The following PCDHA5 variants were observed in gnomAD, a reference collection of about 807,000 sequenced individuals.
PCDHA5 encodes the protein protocadherin alpha-5.
In PCDHA5, 43 loss-of-function variants were observed where a neutral mutation model predicts 61.6. The observed-to-expected ratio is 0.70, with a 90% CI of 0.55 to 0.90. The LOEUF (loss-of-function observed/expected upper bound fraction) is 0.90. PCDHA5 is among the 40% of genes least tolerant of loss of function. The probability of loss-of-function intolerance (pLI) is 0.00; values close to 1 mark genes in which losing one functional copy is unlikely to be tolerated. For synonymous variants in PCDHA5, 627 were observed against 543.9 expected, an observed-to-expected ratio of 1.15 and a Z score of -2.13; for missense variants, 1,298 against 1,222.7, an observed-to-expected ratio of 1.06 and a Z score of -0.92.
intron 1 of PCDHA5, among the ~76,000 whole-genome samples, chr5:140,950,519 A>G (rs1359001168): frequency 6.6e-6 from 1 of 152,034 alleles, no homozygotes; most frequent in Non-Finnish European, 1.5e-5. Flanking sequence ...TGTGTGCGAT[A>G]TGATTGTTTT....
intron 1 of PCDHA5, among the ~76,000 whole-genome samples, chr5:140,932,235 G>A (rs372410374): frequency 4.0e-5 from 6 of 151,638 alleles, no homozygotes; most frequent in African/African-American, 1.5e-4. Context: ...TTTTAGAATG[G>A]TATCTAAGAG....
intron 1 of PCDHA5, among the ~76,000 whole-genome samples, chr5:140,937,259 G>A (rs1306999153): frequency 1.3e-5 from 2 of 151,850 alleles, no homozygotes; most frequent in East Asian, 3.9e-4. Context: ...GGATGGTCTC[G>A]ATCTCCTGAC....
In PCDHA5 at chr5:140,857,752, C is replaced by T. The variant is rs7725388; in HGVS notation, c.2352+33625C>T. On this transcript the variant is annotated intron_variant, in intron 1 of 3. Coordinates refer to ENST00000529859, the MANE Select transcript of PCDHA5 (RefSeq NM_018908.3). ...ACGCTCCCGCGCTGCTGGCGTCTCCCGCTGGCAGCGCGGGCGGTGCAGTCA... is the reference window on the plus strand; with the variant it reads ...ACGCTCCCGCGCTGCTGGCGTCTCCTGCTGGCAGCGCGGGCGGTGCAGTCA... The T allele has an allele frequency of 7.5e-6, 12 of 1,597,052 alleles. 1 individual carries two copies. The highest frequency in any genetic ancestry group is 9.4e-6 in the Non-Finnish European group (11 of 1,167,514).
At chr5:140,997,668 T>TTGTGTGTGTG (rs35184029) in intron 3 of PCDHA5, among the ~76,000 whole-genome samples, 47 of 148,344 alleles carry the variant, frequency 3.2e-4, no homozygotes, top group East Asian at 1.8e-3. Flanking sequence ...ATTATACAGC[T>TTGTGTGTGTG]TGTGTGTGTG....
At chr5:140,857,488 C>G (rs782255025) in intron 1 of PCDHA5, 2 of 1,598,442 alleles carry the variant, frequency 1.3e-6, no homozygotes, top group South Asian at 2.2e-5. Context: ...CTGCGTGGGA[C>G]GCGGACGCGC....
At chr5:140,830,418 T>C in intron 1 of PCDHA5, 3 of 1,614,030 alleles carry the variant, frequency 1.9e-6, no homozygotes, top group Non-Finnish European at 2.5e-6. Flanking sequence ...AGCCCCAGCC[T>C]TTCACCTTGT....
At chr5:141,000,376 T>C (rs2097906883) in intron 3 of PCDHA5, among the ~76,000 whole-genome samples, 1 of 58,410 alleles carries the variant, frequency 1.7e-5, no homozygotes, top group Non-Finnish European at 3.2e-5. Flanking sequence ...TCTCTCTCTC[T>C]CTCTCTCTCT....
intron 1 of PCDHA5, chr5:140,870,246 C>T (rs782184125): frequency 1.9e-6 from 3 of 1,614,168 alleles, no homozygotes; most frequent in South Asian, 2.2e-5. Flanking sequence ...CAGGTGTCAA[C>T]GGACAGGTGA....
chr5:140,836,700 A>C, intron 1 of PCDHA5: 1 of 1,613,438 alleles, frequency 6.2e-7, no homozygotes, highest in Non-Finnish European at 8.5e-7. Context: ...CATGGCCTTC[A>C]GTCCCAGCCT....
At chr5:140,871,103 C>A (rs202137231) in intron 1 of PCDHA5, 29 of 1,613,172 alleles carry the variant, frequency 1.8e-5, no homozygotes, top group South Asian at 1.2e-4. Context: ...GTGCTGGTGT[C>A]GTTGGTGGAG....
In PCDHA5 at chr5:140,839,587, A is replaced by C. The variant is rs192015697; in HGVS notation, c.2352+15460A>C. ...GTATTTTTTGTAGAGATGGGGTCTT[A>C]CCATGTTGCCCAGGCTGGTCTCAAA... On this transcript the variant is annotated intron_variant, in intron 1 of 3. Coordinates refer to ENST00000529859, the MANE Select transcript of PCDHA5 (RefSeq NM_018908.3). Among the ~76,000 whole-genome samples, 93 of 152,088 alleles carry C rather than the reference A, an allele frequency of 6.1e-4. 1 individual carries two copies. The highest frequency in any genetic ancestry group is 2.0e-3 in the African/African-American group (82 of 41,446).
chr5:140,976,685 T>TTGC (rs1279936534), intron 1 of PCDHA5, among the ~76,000 whole-genome samples: 2 of 152,238 alleles, frequency 1.3e-5, no homozygotes, highest in East Asian at 3.8e-4. Flanking sequence ...TTTTGCAATT[T>TTGC]AAGTACAATA....
chr5:140,960,397 G>A (rs1322659184), intron 1 of PCDHA5, among the ~76,000 whole-genome samples: 1 of 152,102 alleles, frequency 6.6e-6, no homozygotes, highest in African/African-American at 2.4e-5. Flanking sequence ...AGGATGCAAG[G>A]GGGGGTGCCC....
chr5:140,891,755 G>C (rs1489884923), intron 1 of PCDHA5, among the ~76,000 whole-genome samples: 2 of 152,114 alleles, frequency 1.3e-5, no homozygotes, highest in Non-Finnish European at 2.9e-5. Flanking sequence ...CAACAGTGTT[G>C]GGAGGTGGGG....
At chr5:140,830,442 G>GTACC (rs1771071526) in intron 1 of PCDHA5, 1 of 1,608,220 alleles carries the variant, frequency 6.2e-7, no homozygotes. Flanking sequence ...ATTATGATGG[G>GTACC]TAAGGCGGAG....
At chr5:140,868,958 T>C (rs1033698977) in intron 1 of PCDHA5, 1 of 1,397,386 alleles carries the variant, frequency 7.2e-7, no homozygotes, top group African/African-American at 1.4e-5. Context: ...GGCACTCCCA[T>C]ACAAAGGAAC....
chr5:140,875,290 A>T (rs1321351883), intron 1 of PCDHA5: 20 of 1,396,906 alleles, frequency 1.4e-5, no homozygotes, highest in East Asian at 7.6e-5. Context: ...AAACAGGAAA[A>T]TTTTTTTCTC....
rs552832365 is a variant in PCDHA5, at chr5:140,928,668, T to C, written c.2353-50281T>C. ...TAGCAGAGGATGCTGACAGTGGTTC[T>C]AATGCCTGGCTTTCCTACCACATCT... is the stretch of plus-strand genomic sequence containing the variant. On this transcript the variant is annotated intron_variant, in intron 1 of 3. Transcript: ENST00000529859. The C allele has an allele frequency of 2.4e-4, 388 of 1,614,234 alleles. 3 individuals are homozygous for C. The South Asian group carries it at 4.0e-3, about 17-fold the overall frequency.
chr5:140,869,867 C>A (rs1554163562), intron 1 of PCDHA5: 7 of 1,609,988 alleles, frequency 4.3e-6, no homozygotes, highest in Non-Finnish European at 5.9e-6. Context: ...ATGGAAAATG[C>A]TGCTAAAGAA....
Sources: allele counts gnomAD v4.1 joint callset (sites outside exome capture counted in the v4.1 genomes callset), GRCh38; gene constraint gnomAD v4.1.1; transcripts MANE v1.5; gene names NCBI Gene and HGNC (gene_info 2026-07-23, HGNC 2026-07-21).